The following TYK2 variants were observed in gnomAD, a reference collection of about 807,000 sequenced individuals.
TYK2 encodes the protein non-receptor tyrosine-protein kinase TYK2.
Under a neutral mutation model 130.9 loss-of-function variants are expected in TYK2, and 65 were observed. The observed-to-expected ratio is 0.50, with a 90% CI of 0.41 to 0.61. TYK2 has a LOEUF of 0.61. Among genes scored for constraint, TYK2 ranks in the 20% least tolerant of loss-of-function variants. TYK2 has a pLI of 0.00. For synonymous variants in TYK2, 647 were observed against 658.9 expected, an observed-to-expected ratio of 0.98 and a Z score of 0.28; for missense variants, 1,378 against 1,610.7, an observed-to-expected ratio of 0.86 and a Z score of 2.47.
intron 19 of TYK2, 71 bp from the exon 20 acceptor site, chr19:10,354,305 C>T: frequency 1.3e-6 from 2 of 1,560,372 alleles, no homozygotes; most frequent in South Asian, 1.1e-5. Flanking sequence ...CCCGATTTCC[C>T]GGGCCACTCC....
Position 10,362,464 on chromosome 19 carries a change from G to T in TYK2, c.1477-8C>A. 6.3e-7 allele frequency: 1 copy of T among 1,585,558 alleles called. No homozygotes were observed. Among genetic ancestry groups the T allele is most frequent in the Non-Finnish European group, 8.6e-7 (1 of 1,164,968 alleles). ...CTGCATGCCGTCTGGTGCCTGGCAG[G>T]AGGTGGCAGAGGTGGGAGCAGTAAG... On this transcript the variant is annotated splice_polypyrimidine_tract_variant and splice_region_variant and intron_variant, in intron 10 of 24. Transcript: ENST00000525621.
rs1274058500 is a variant in TYK2 at position 10,366,721 on chromosome 19, T to C, written c.466-141A>G. The C allele has an allele frequency of 1.4e-4, 94 of 681,574 alleles. No homozygotes were observed. The East Asian group carries it at 2.6e-3, about 19-fold the overall frequency. 42.2% of individuals were successfully genotyped at this position (681,574 alleles called of 1,614,324 possible). A position where few individuals can be genotyped will look rare whatever the true frequency, so the allele number is the denominator to read the frequency against. On this transcript the variant is annotated intron_variant, in intron 5 of 24. Coordinates refer to ENST00000525621, the MANE Select transcript of TYK2 (RefSeq NM_003331.5). ...ACATAAAATACACTAACACTAATGA[T>C]AGCTGATGAGCTAAAAAAAAAAAAA...
chr19:10,367,869 G>A (rs546386883), intron 5 of TYK2, among the ~76,000 whole-genome samples, 186 bp downstream of exon 5: 3 of 151,322 alleles, frequency 2.0e-5, no homozygotes, highest in East Asian at 1.9e-4. Flanking sequence ...GCAGTGAGCC[G>A]AGATCACATC....
intron 18 of TYK2, among the ~76,000 whole-genome samples, chr19:10,355,727 G>A (rs2041066622): frequency 6.6e-6 from 1 of 151,570 alleles, no homozygotes; most frequent in East Asian, 1.9e-4. Context: ...ACTTTGGGAG[G>A]CCGAGGCGGG....
intron 17 of TYK2, chr19:10,357,289 T>A (rs2145180149): frequency 1.7e-6 from 1 of 577,678 alleles, no homozygotes; most frequent in East Asian, 2.9e-5. Context: ...CTCGGGAGGC[T>A]GAGACAGGAG....
intron 3 of TYK2, among the ~76,000 whole-genome samples, chr19:10,371,846 A>C (rs1785479902): frequency 1.3e-5 from 2 of 152,144 alleles, no homozygotes; most frequent in African/African-American, 4.8e-5. Context: ...GGGACTTTGC[A>C]ATGGTCTCCC....
Position 10,362,430 on chromosome 19 carries a change from C to G in TYK2, c.1503G>C (p.Arg501=), listed in dbSNP as rs1260327144. The G allele has an allele frequency of 6.2e-7, 1 of 1,607,316 alleles. No homozygotes were observed. Among genetic ancestry groups the G allele is most frequent in the Non-Finnish European group, 8.5e-7 (1 of 1,176,034 alleles). The change falls in exon 11 of 25, where the codon CGG becomes CGC. Residue 501 remains arginine, a synonymous_variant. Coordinates refer to ENST00000525621, the MANE Select transcript of TYK2 (RefSeq NM_003331.5). ...GCTGCTCAATGGGGAACTTTCGGAGCCGCAAGCTCTGCATGCCGTCTGGTG... is the reference window on the plus strand; with the variant it reads ...GCTGCTCAATGGGGAACTTTCGGAGGCGCAAGCTCTGCATGCCGTCTGGTG... ...SQAPDGMQSL[R]LRKFPIEQQD... is the part of the protein sequence containing the mutation.
Position 10,367,616 on chromosome 19 carries a change from C to T in TYK2, c.465+439G>A, listed in dbSNP as rs993614099. Among the ~76,000 whole-genome samples, 3 of 151,294 alleles carry T rather than the reference C, an allele frequency of 2.0e-5. No homozygotes were observed. In the East Asian group the frequency reaches 5.8e-4, roughly 29 times the overall value. Reference sequence around the variant, plus strand: ...CTCCAGCCTGGGCCACAGAGCAAGACTCCATTTCAAAAAAAAAAGATCGGC... The same window carrying T: ...CTCCAGCCTGGGCCACAGAGCAAGATTCCATTTCAAAAAAAAAAGATCGGC... On this transcript the variant is annotated intron_variant, in intron 5 of 24. Coordinates refer to ENST00000525621, the MANE Select transcript of TYK2 (RefSeq NM_003331.5).
At position 10,354,251 on chromosome 19, in the gene TYK2, G is replaced by A. The variant is rs1258908710; in HGVS notation, c.2716-17C>T. 6.2e-6 allele frequency: 10 copies of A among 1,608,848 alleles called. No homozygotes were observed. Among genetic ancestry groups the A allele is most frequent in the Admixed American group, 5.0e-5 (3 of 59,992 alleles). On this transcript the variant is annotated splice_polypyrimidine_tract_variant and intron_variant, in intron 19 of 24. Transcript: ENST00000525621. Reference sequence around the variant, plus strand: ...GAAGTGACCCTGGTCGGGAGCGCACGAGGGTCAGCTCCACCTCCCCAATCC... The same window carrying A: ...GAAGTGACCCTGGTCGGGAGCGCACAAGGGTCAGCTCCACCTCCCCAATCC...
At chr19:10,360,777 G>C (rs2041361636) in intron 14 of TYK2, among the ~76,000 whole-genome samples, 1 of 151,996 alleles carries the variant, frequency 6.6e-6, no homozygotes, top group South Asian at 2.1e-4. Flanking sequence ...TTTTGAGACA[G>C]AGTCTCGCCC....
rs200269679 is a variant in TYK2 at position 10,375,843 on chromosome 19, C to G, written c.193+2371G>C. On this transcript the variant is annotated intron_variant, in intron 3 of 24. Transcript: ENST00000525621. Reference sequence around the variant, plus strand: ...TCGGGAGGCTGAGGCCGGAGAATCGCTTGAACCCGGGAGGCGGAGGTTGCA... The same window carrying G: ...TCGGGAGGCTGAGGCCGGAGAATCGGTTGAACCCGGGAGGCGGAGGTTGCA... Among the ~76,000 whole-genome samples the G allele has an allele frequency of 5.1e-3, 771 of 151,496 alleles. 14 individuals are homozygous for G. The highest frequency in any genetic ancestry group is 0.031 in the East Asian group (156 of 5,064).
At position 10,362,653 on chromosome 19, in the gene TYK2, G is replaced by A; in HGVS notation, c.1372C>T (p.Pro458Ser). The stretch of plus-strand genomic sequence containing the variant: ...GGCCGCAGCTTGGCCTGCACAAATG[G>A]CTCCCTGGAAGGTGGTCCAGGGGGA... ...RDGIHGPLLEPFVQAKLRPED... is the reference protein window; with the variant it reads ...RDGIHGPLLESFVQAKLRPED... The change falls in exon 10 of 25, where the codon CCA (proline) becomes TCA (serine). Residue 458 changes from proline (P) to serine (S), a missense_variant. By Grantham distance (74) the Pro-to-Ser change is moderately conservative (BLOSUM62 -1). Coordinates refer to ENST00000525621, the MANE Select transcript of TYK2 (RefSeq NM_003331.5). 6.4e-7 allele frequency: 1 copy of A among 1,551,412 alleles called. No individual in the cohort carries two copies. Among genetic ancestry groups the A allele is most frequent in the Non-Finnish European group, 8.7e-7 (1 of 1,146,864 alleles).
At chr19:10,362,710 ATACCC>A in intron 9 of TYK2, 53 bp from the exon 10 acceptor site, 2 of 1,474,822 alleles carry the variant, frequency 1.4e-6, no homozygotes, top group Non-Finnish European at 1.9e-6. Flanking sequence ...CTCTGGACCC[ATACCC>A]GGGAACAATG....
chr19:10,368,659 G>A, intron 3 of TYK2: 1 of 516,268 alleles, frequency 1.9e-6, no homozygotes, highest in Middle Eastern at 5.6e-4. Flanking sequence ...TGCACTGCTG[G>A]TTTCTGGCCA....
At position 10,364,750 on chromosome 19, in the gene TYK2, C is replaced by T. The variant is rs551839011; in HGVS notation, c.1231G>A (p.Ala411Thr). The change falls in exon 9 of 25, where the codon GCT becomes ACT. Residue 411 changes from alanine to threonine, a missense_variant. Ala to Thr is a moderately conservative substitution (Grantham distance 58). Transcript: ENST00000525621. The surrounding 1 kb of genome is among the most constrained non-coding windows in gnomAD (Gnocchi z 4.9). ...KCLELSLPSRAAALSFVSLVD... is the reference protein window; with the variant it reads ...KCLELSLPSRTAALSFVSLVD... ...AGCGACACGAAGGACAGCGCCGCAG[C>T]CCGGGAAGGCAAGCTCAGCTCCTGC... The T allele has an allele frequency of 6.2e-7, 1 of 1,613,820 alleles. No individual in the cohort carries two copies. Among genetic ancestry groups the T allele is most frequent in the African/African-American group, 1.3e-5 (1 of 74,952 alleles).
Position 10,353,498 on chromosome 19 carries a change from G to A in TYK2, c.3027+30C>T. The A allele has an allele frequency of 1.4e-6, 2 of 1,449,844 alleles. No homozygotes were observed. The highest frequency in any genetic ancestry group is 2.4e-5 in the East Asian group (1 of 40,940). 89.8% of individuals were successfully genotyped at this position (1,449,844 alleles called of 1,614,324 possible). On this transcript the variant is annotated intron_variant, in intron 21 of 24. Coordinates refer to ENST00000525621, the MANE Select transcript of TYK2 (RefSeq NM_003331.5). The surrounding 1 kb of genome is among the most constrained non-coding windows in gnomAD (Gnocchi z 6.9). The stretch of plus-strand genomic sequence containing the variant: ...GCCCAAGCTGAAGAGGAAGGGGCAA[G>A]CTCCAGAAGCAGGGGCGGGGCCGAC...
intron 23 of TYK2, chr19:10,351,520 T>G: frequency 3.1e-6 from 1 of 324,654 alleles, no homozygotes; most frequent in Non-Finnish European, 6.0e-6. Flanking sequence ...TGCAACTTCA[T>G]GAAATCGACT....
At position 10,351,042 on chromosome 19, in the gene TYK2, G is replaced by A; in HGVS notation, c.3429+10C>T. ...ATAGTGGGGTCAGGGAAAGACAAAG[G>A]AAGTCTCACCTCACAGGGACATTTG... On this transcript the variant is annotated intron_variant, in intron 24 of 24. Coordinates refer to ENST00000525621, the MANE Select transcript of TYK2 (RefSeq NM_003331.5). 1 of 1,614,146 alleles carries A rather than the reference G, an allele frequency of 6.2e-7. No individual in the cohort carries two copies. The highest frequency in any genetic ancestry group is 8.5e-7 in the Non-Finnish European group (1 of 1,180,032).
chr19:10,366,631 C>T (rs764625167), intron 5 of TYK2, 51 bp from the exon 6 acceptor site: 16 of 1,609,046 alleles, frequency 9.9e-6, no homozygotes, highest in Non-Finnish European at 1.2e-5. Flanking sequence ...GCGTTCCTCT[C>T]TAGCCCAGAG....
Sources: allele counts gnomAD v4.1 joint callset (sites outside exome capture counted in the v4.1 genomes callset), GRCh38; gene constraint gnomAD v4.1.1; non-coding constraint Gnocchi (gnomAD v3.1); transcripts MANE v1.5; gene names NCBI Gene and HGNC (gene_info 2026-07-23, HGNC 2026-07-21).